Variants in SLC9A9 observed in about 807,000 individuals in gnomAD.
SLC9A9 encodes the protein sodium/hydrogen exchanger 9.
In SLC9A9, 62 loss-of-function variants were observed where a neutral mutation model predicts 77.8. The observed-to-expected ratio is 0.80, with a 90% confidence interval of 0.65 to 0.98. The LOEUF is 0.98. Ranked by LOEUF, SLC9A9 falls within the 50% of genes least tolerant of loss-of-function variation. SLC9A9 has a pLI of 0.00. For synonymous variants in SLC9A9, 320 were observed against 283.5 expected (o/e 1.13, Z -1.29); for missense variants, 775 against 774.9 (o/e 1.00, Z 0.00).
intron 12 of SLC9A9, among the ~76,000 whole-genome samples, chr3:143,420,801 A>T (rs910226482): frequency 1.3e-5 from 2 of 152,214 alleles, no homozygotes; most frequent in African/African-American, 4.8e-5. Flanking sequence ...AGAGAAAGAA[A>T]TACAAGGCAT....
chr3:143,288,807 C>G (rs1430534486), intron 14 of SLC9A9, among the ~76,000 whole-genome samples: 1 of 152,156 alleles, frequency 6.6e-6, no homozygotes, highest in Admixed American at 6.5e-5. Flanking sequence ...CAAGGACATA[C>G]AGCTAAAAAT....
chr3:143,757,527 A>C (rs2006964103), intron 4 of SLC9A9, among the ~76,000 whole-genome samples: 2 of 152,084 alleles, frequency 1.3e-5, no homozygotes, highest in African/African-American at 2.4e-5. Flanking sequence ...GAGTACAACA[A>C]ATTTTTTTAC....
At chr3:143,369,885 G>A (rs576924217) in intron 13 of SLC9A9, among the ~76,000 whole-genome samples, 25 of 152,306 alleles carry the variant, frequency 1.6e-4, no homozygotes, top group Admixed American at 4.6e-4. Context: ...CGCTCAAGAA[G>A]CTCTGTGGAG....
At chr3:143,389,932 C>T (rs1343255099) in intron 12 of SLC9A9, among the ~76,000 whole-genome samples, 3 of 152,128 alleles carry the variant, frequency 2.0e-5, no homozygotes, top group Non-Finnish European at 2.9e-5. Flanking sequence ...TGATTGTAAG[C>T]CCCTCCATGG....
At chr3:143,311,486 A>G (rs946647847) in intron 14 of SLC9A9, among the ~76,000 whole-genome samples, 12 of 152,216 alleles carry the variant, frequency 7.9e-5, no homozygotes, top group African/African-American at 2.4e-4. Flanking sequence ...GACATGAGAA[A>G]TTCTTCTCTA....
intron 14 of SLC9A9, among the ~76,000 whole-genome samples, chr3:143,287,728 T>A (rs1392853162): frequency 6.6e-6 from 1 of 152,218 alleles, no homozygotes. Flanking sequence ...GGAATAACAG[T>A]GAATTCATAG....
At chr3:143,519,364 C>A (rs2036257287) in intron 9 of SLC9A9, among the ~76,000 whole-genome samples, 1 of 152,020 alleles carries the variant, frequency 6.6e-6, no homozygotes, top group Admixed American at 6.6e-5. Context: ...GGAAGAGGGA[C>A]ACTCTAGTTA....
At chr3:143,349,014 C>A in intron 14 of SLC9A9, among the ~76,000 whole-genome samples, 1 of 152,304 alleles carries the variant, frequency 6.6e-6, no homozygotes, top group South Asian at 2.1e-4. Flanking sequence ...TCCCAAGAAT[C>A]CCCTGATCTT....
At chr3:143,291,614 C>A (rs1173834222) in intron 14 of SLC9A9, among the ~76,000 whole-genome samples, 1 of 152,152 alleles carries the variant, frequency 6.6e-6, no homozygotes, top group Non-Finnish European at 1.5e-5. Context: ...AAAGGACAAA[C>A]CCAACTTAAA....
chr3:143,574,260 T>G, intron 7 of SLC9A9, 67 bp from the exon 8 acceptor site: 1 of 1,270,020 alleles, frequency 7.9e-7, no homozygotes, highest in Non-Finnish European at 1.1e-6. Flanking sequence ...TGGCTGAGAA[T>G]AAAAACTGAT....
At chr3:143,495,582 C>T in intron 9 of SLC9A9, 134 bp from the exon 10 acceptor site, 3 of 674,036 alleles carry the variant, frequency 4.5e-6, no homozygotes, top group Non-Finnish European at 8.0e-6. Flanking sequence ...GTGTGCTTAG[C>T]CTCTGAAGGA....
At chr3:143,769,020 G>A (rs560202613) in intron 4 of SLC9A9, among the ~76,000 whole-genome samples, 31 of 152,188 alleles carry the variant, frequency 2.0e-4, no homozygotes, top group Non-Finnish European at 3.1e-4. Context: ...GACTTTGGCC[G>A]AGTTATCTTT....
chr3:143,840,822 T>G (rs1260347632), intron 1 of SLC9A9, among the ~76,000 whole-genome samples: 3 of 152,208 alleles, frequency 2.0e-5, no homozygotes, highest in Non-Finnish European at 4.4e-5. Context: ...AAAAGAGTGT[T>G]CTTGCCAATT....
chr3:143,360,734 G>T (rs980234055), intron 14 of SLC9A9, among the ~76,000 whole-genome samples: 60 of 152,208 alleles, frequency 3.9e-4, no homozygotes, highest in African/African-American at 1.4e-3. Flanking sequence ...TAAATTAAGA[G>T]GGGTTTTCTA....
intron 1 of SLC9A9, among the ~76,000 whole-genome samples, chr3:143,844,635 G>A (rs544781059): frequency 2.6e-5 from 4 of 152,170 alleles, no homozygotes; most frequent in East Asian, 1.9e-4. Flanking sequence ...TCTGTAGCAC[G>A]GAGATGACTG....
chr3:143,369,820 G>C (rs921475373), intron 13 of SLC9A9, among the ~76,000 whole-genome samples: 1 of 151,964 alleles, frequency 6.6e-6, no homozygotes, highest in Admixed American at 6.6e-5. Flanking sequence ...TTTCTTTTTT[G>C]CTGTCTCTCT....
At chr3:143,572,462 TA>T (rs1250010307) in intron 8 of SLC9A9, among the ~76,000 whole-genome samples, 1 of 152,182 alleles carries the variant, frequency 6.6e-6, no homozygotes, top group African/African-American at 2.4e-5. Flanking sequence ...TAAACTTGAA[TA>T]GAATACAGAA....
chr3:143,394,881 C>T (rs1344639861), intron 12 of SLC9A9, among the ~76,000 whole-genome samples: 1 of 152,138 alleles, frequency 6.6e-6, no homozygotes, highest in East Asian at 1.9e-4. Context: ...CCTAGGAATC[C>T]AACTTACAAG....
At chr3:143,787,217 T>C (rs2108851984) in intron 4 of SLC9A9, among the ~76,000 whole-genome samples, 1 of 152,336 alleles carries the variant, frequency 6.6e-6, no homozygotes, top group Middle Eastern at 3.4e-3. Context: ...CCATCATTTG[T>C]TGTCTCTCTT....
Sources: allele counts gnomAD v4.1 joint callset (sites outside exome capture counted in the v4.1 genomes callset), GRCh38; gene constraint gnomAD v4.1.1; transcripts MANE v1.5; gene names NCBI Gene and HGNC (gene_info 2026-07-23, HGNC 2026-07-21).